ZNF14: variants seen among roughly 807,000 people sequenced by gnomAD.
ZNF14 encodes gonadotropin inducible transcription repressor-4.
A neutral mutation model predicts 11.3 loss-of-function variants in ZNF14; 9 were observed. The ratio of observed to expected loss-of-function variants is 0.80; its 90% CI spans 0.48 to 1.39. The LOEUF is 1.39. Among genes scored for constraint, ZNF14 ranks in the 40% most tolerant of loss-of-function variants. The pLI is 0.00. For synonymous variants in ZNF14, 239 were observed against 245.7 expected (o/e 0.97, Z 0.25); for missense variants, 711 against 763.9 (o/e 0.93, Z 0.82).
intron 1 of ZNF14, among the ~76,000 whole-genome samples, chr19:19,730,202 A>G (rs2062419235): frequency 6.6e-6 from 1 of 151,572 alleles, no homozygotes; most frequent in African/African-American, 2.4e-5. Context: ...TTTTTTTTGT[A>G]TTTTTAGTAG....
rs1399398535 is a variant in ZNF14, at chr19:19,711,739, A to G, written c.1542T>C (p.Phe514=). The change falls in exon 4 of 4, where the codon TTT becomes TTC. Residue 514 remains phenylalanine, a synonymous_variant. Transcript: ENST00000344099. ...ECKLCGKTFS[F]SSSLREHEKI... ...TTTCATGTTCTCGAAGGGAACTTGA[A>G]AAACTGAAGGTTTTACCGCATAGTT... is the stretch of plus-strand genomic sequence containing the variant. The G allele has an allele frequency of 5.0e-6, 8 of 1,614,154 alleles. No individual in the cohort carries two copies. The highest frequency in any genetic ancestry group is 6.8e-6 in the Non-Finnish European group (8 of 1,180,028).
intron 1 of ZNF14, among the ~76,000 whole-genome samples, chr19:19,732,378 C>G (rs1380912610): frequency 6.6e-6 from 1 of 152,150 alleles, no homozygotes; most frequent in Non-Finnish European, 1.5e-5. Flanking sequence ...ACTTTCTGAT[C>G]AGTTAAGATA....
intron 1 of ZNF14, among the ~76,000 whole-genome samples, chr19:19,726,881 G>T (rs1361171396): frequency 7.5e-6 from 1 of 134,198 alleles, no homozygotes; most frequent in African/African-American, 2.7e-5. Context: ...GGGACCCTCC[G>T]AGCCAGGCAT....
At position 19,725,461 on chromosome 19, in the gene ZNF14, G is replaced by T. The variant is rs1318106827; in HGVS notation, c.3+7495C>A. 1.5e-5 allele frequency among the ~76,000 whole-genome samples: 2 copies of T among 133,892 alleles called. 1 individual carries two copies. The highest frequency in any genetic ancestry group is 5.5e-5 in the African/African-American group (2 of 36,172). 87.8% of individuals were successfully genotyped at this position (133,892 alleles called of 152,430 possible). On this transcript the variant is annotated intron_variant, in intron 1 of 3. Transcript: ENST00000344099. Reference sequence around the variant, plus strand: ...CGAGAGATTTGCTGTTAGTCTGATGGGCTTCCCTCTGTGGGGAACAAGACC... The same window carrying T: ...CGAGAGATTTGCTGTTAGTCTGATGTGCTTCCCTCTGTGGGGAACAAGACC...
rs2062365596 is a variant in ZNF14, at chr19:19,712,724, C to G, written c.557G>C (p.Arg186Thr). The change falls in exon 4 of 4, where the codon AGA (arginine) becomes ACA (threonine). Residue 186 changes from arginine (R) to threonine (T), a missense_variant. Physicochemically the swap from Arg to Thr is moderately conservative, Grantham distance 71. Transcript: ENST00000344099. Reference protein sequence around the residue: ...KAFIYYQPFQRHERTHAGQKP... With the variant: ...KAFIYYQPFQTHERTHAGQKP... ...CTGTCCAGCATGAGTCCTTTCATGTCTTTGAAATGGCTGGTAATATATAAA... is the reference window on the plus strand; with the variant it reads ...CTGTCCAGCATGAGTCCTTTCATGTGTTTGAAATGGCTGGTAATATATAAA... 6.2e-7 allele frequency: 1 copy of G among 1,613,096 alleles called. No homozygotes were observed. Among genetic ancestry groups the G allele is most frequent in the East Asian group, 2.2e-5 (1 of 44,860 alleles).
At position 19,712,576 on chromosome 19, in the gene ZNF14, G is replaced by A. The variant is rs757093600; in HGVS notation, c.705C>T (p.Tyr235=). The A allele has an allele frequency of 1.9e-6, 3 of 1,612,518 alleles. No homozygotes were observed. The African/African-American group carries it at 4.0e-5, about 22-fold the overall frequency. The change falls in exon 4 of 4, where the codon TAC becomes TAT. Residue 235 remains tyrosine (Y), a synonymous_variant. Transcript: ENST00000344099. ...CKQCGKAFIC[Y]QSFQRHKRTH... ...TCCTTTTGTGTCTTTGAAAAGATTG[G>A]TAACATATAAAGGCTTTCCCACACT...
chr19:19,715,091 A>G (rs925715300), intron 1 of ZNF14, among the ~76,000 whole-genome samples: 1 of 152,224 alleles, frequency 6.6e-6, no homozygotes, highest in African/African-American at 2.4e-5. Flanking sequence ...TGGAAAAGTA[A>G]GAGAAATGCT....
rs1370061899 is a variant in ZNF14 at position 19,711,617 on chromosome 19, C to T, written c.1664G>A (p.Gly555Glu). ...TTGTTTACATTGATACGGTTTCTCT[C>T]CAGTGTGAGTCCTTTCATGCAATCG... is the stretch of plus-strand genomic sequence containing the variant. ...QIRLHERTHTGEKPYQCKQCG... is the reference protein window; with the variant it reads ...QIRLHERTHTEEKPYQCKQCG... Residue 555 changes from glycine to glutamate, a missense_variant, in exon 4 of 4, where the codon GGA becomes GAA. Gly to Glu is a moderately conservative substitution (Grantham distance 98). Coordinates refer to ENST00000344099, the MANE Select transcript of ZNF14 (RefSeq NM_021030.3). 1.2e-6 allele frequency: 2 copies of T among 1,614,016 alleles called. No individual in the cohort carries two copies. The highest frequency in any genetic ancestry group is 2.7e-5 in the African/African-American group (2 of 74,908).
rs762099839 is a variant in ZNF14 at position 19,711,519 on chromosome 19, GAT to G, written c.1760_1761del (p.Tyr587SerfsTer3). 1 of 1,609,770 alleles carries G rather than the reference GAT, an allele frequency of 6.2e-7. No homozygotes were observed. The highest frequency in any genetic ancestry group is 1.7e-5 in the Admixed American group (1 of 59,424). ...AAGGCTTTCCCACATTGTTTACATCGATAGGGTTTCTCTCCCGTGTGAGTTCT... is the reference window on the plus strand; with the variant it reads ...AAGGCTTTCCCACATTGTTTACATCGAGGGTTTCTCTCCCGTGTGAGTTCT... ...HERTHTGEKP[Y>X]RCKQCGKAFR... On this transcript the variant is annotated frameshift_variant, in exon 4 of 4. Coordinates refer to ENST00000344099, the MANE Select transcript of ZNF14 (RefSeq NM_021030.3). LOFTEE classifies it low-confidence loss of function (END_TRUNC).
In ZNF14 at chr19:19,732,096, C is replaced by T. The variant is rs114431694; in HGVS notation, c.3+860G>A. ...AAAAAAAATGCTTACCACTTATATA[C>T]GGAACAAATGACATACAGAGATTTT... On this transcript the variant is annotated intron_variant, in intron 1 of 3. Transcript: ENST00000344099. Among the ~76,000 whole-genome samples the T allele has an allele frequency of 1.9e-3, 289 of 152,188 alleles. 1 individual carries two copies. Among genetic ancestry groups the T allele is most frequent in the African/African-American group, 6.6e-3 (276 of 41,538 alleles).
chr19:19,731,614 T>C (rs1370780970), intron 1 of ZNF14, among the ~76,000 whole-genome samples: 1 of 151,646 alleles, frequency 6.6e-6, no homozygotes, highest in Non-Finnish European at 1.5e-5. Context: ...CTACCCACAA[T>C]GACTCTAGAC....
rs1400242525 is a variant in ZNF14 at position 19,724,569 on chromosome 19, G to A, written c.3+8387C>T. Among the ~76,000 whole-genome samples the A allele has an allele frequency of 1.5e-5, 2 of 133,662 alleles. 1 individual carries two copies. The highest frequency in any genetic ancestry group is 3.3e-5 in the Non-Finnish European group (2 of 60,274). 87.7% of individuals were successfully genotyped at this position (133,662 alleles called of 152,430 possible). A position where few individuals can be genotyped will look rare whatever the true frequency, so the allele number is the denominator to read the frequency against. On this transcript the variant is annotated intron_variant, in intron 1 of 3. Transcript: ENST00000344099. ...AGAATGTACATTCTGTTGATTTGGG[G>A]TGGAGAGTTCTGTAGATGTCTATTA...
chr19:19,716,849 TAAG>T (rs1401109436), intron 1 of ZNF14, among the ~76,000 whole-genome samples: 3 of 152,274 alleles, frequency 2.0e-5, no homozygotes, highest in South Asian at 2.1e-4. Flanking sequence ...ATGTTCTTCT[TAAG>T]AAGACCTGTT....
rs147910807 is a variant in ZNF14 at position 19,712,195 on chromosome 19, T to C, written c.1086A>G (p.Pro362=). The change falls in exon 4 of 4, where the codon CCA becomes CCG. Residue 362 remains proline (P), a synonymous_variant. Coordinates refer to ENST00000344099, the MANE Select transcript of ZNF14 (RefSeq NM_021030.3). ...VHERTHIGEK[P]YECKRCGKSF... is the part of the protein sequence containing the mutation. Reference sequence around the variant, plus strand: ...ATTTGCCACATCGTTTACATTCATATGGTTTTTCTCCAATATGAGTTCTTT... The same window carrying C: ...ATTTGCCACATCGTTTACATTCATACGGTTTTTCTCCAATATGAGTTCTTT... The C allele has an allele frequency of 1.6e-5, 26 of 1,613,990 alleles. No homozygotes were observed. The highest frequency in any genetic ancestry group is 1.6e-4 in the African/African-American group (12 of 75,048).
chr19:19,710,628 G>A lies in ZNF14; in HGVS notation c.*724C>T, dbSNP rs1057322211. 6.6e-6 allele frequency: 1 copy of A among 152,296 alleles called. No individual in the cohort carries two copies. The highest frequency in any genetic ancestry group is 1.5e-5 in the Non-Finnish European group (1 of 68,044). 9.4% of individuals were successfully genotyped at this position (152,296 alleles called of 1,614,324 possible). On this transcript the variant is annotated 3_prime_UTR_variant, in exon 4 of 4. Coordinates refer to ENST00000344099, the MANE Select transcript of ZNF14 (RefSeq NM_021030.3). ...TTTCCCACATTCTTAATATTTATAG[G>A]GTTTCTCTCCAGTATACATTCTCAT...
chr19:19,714,460 C>T lies in ZNF14; in HGVS notation c.31G>A (p.Val11Met), dbSNP rs758162347. The change falls in exon 2 of 4, where the codon GTG becomes ATG. Residue 11 changes from valine (V) to methionine (M), a missense_variant. Transcript: ENST00000344099. ...GCCCACTCCTCCAGGGTGAAGTTCACGGCCACATCCTCAAAGGAGACTGAG... is the reference window on the plus strand; with the variant it reads ...GCCCACTCCTCCAGGGTGAAGTTCATGGCCACATCCTCAAAGGAGACTGAG... MDSVSFEDVA[V>M]NFTLEEWALL... 8.7e-5 allele frequency: 140 copies of T among 1,613,750 alleles called. No individual in the cohort carries two copies. The East Asian group carries it at 1.5e-3, about 18-fold the overall frequency.
chr19:19,730,860 C>T (rs1013994209), intron 1 of ZNF14, among the ~76,000 whole-genome samples: 2 of 152,026 alleles, frequency 1.3e-5, no homozygotes, highest in Non-Finnish European at 2.9e-5. Flanking sequence ...TGCGGTGAGC[C>T]GAGATCACCC....
At chr19:19,719,398 C>A (rs1432954523) in intron 1 of ZNF14, among the ~76,000 whole-genome samples, 1 of 151,942 alleles carries the variant, frequency 6.6e-6, no homozygotes, top group African/African-American at 2.4e-5. Context: ...TTTGGTAAGT[C>A]CAGCTTATGG....
At chr19:19,714,908 C>A in intron 1 of ZNF14, among the ~76,000 whole-genome samples, 1 of 151,962 alleles carries the variant, frequency 6.6e-6, no homozygotes, top group Non-Finnish European at 1.5e-5. Flanking sequence ...CGGGGTTTCA[C>A]CATGTTGGCC....
Sources: allele counts gnomAD v4.1 joint callset (sites outside exome capture counted in the v4.1 genomes callset), GRCh38; gene constraint gnomAD v4.1.1; transcripts MANE v1.5; gene names NCBI Gene and HGNC (gene_info 2026-07-23, HGNC 2026-07-21).